The following PRKN variants were observed in gnomAD, a reference collection of about 807,000 sequenced individuals.
The protein encoded by PRKN is parkin RBR E3 ubiquitin protein ligase.
PRKN carries 56 observed loss-of-function variants against 59.5 expected under a neutral mutation model. The ratio of observed to expected loss-of-function variants is 0.94; its 90% confidence interval spans 0.76 to 1.18. PRKN has a LOEUF of 1.18. PRKN is among the 50% of genes most tolerant of loss of function. The pLI is 0.00. For synonymous variants in PRKN, 250 were observed against 222.1 expected (o/e 1.13, Z -1.12); for missense variants, 657 against 596.4 (o/e 1.10, Z -1.06).
chr6:162,548,721 A>G lies in PRKN; in HGVS notation c.8-105248T>C, dbSNP rs530055921. Among the ~76,000 whole-genome samples the G allele has an allele frequency of 7.9e-5, 12 of 152,320 alleles. No homozygotes were observed. The South Asian group carries it at 2.5e-3, about 32-fold the overall frequency. ...CTTGAGCTGCAATGAGCTCAGGTGC[A>G]AATTTCTTGATGAACGAGTCTAATA... On this transcript the variant is annotated intron_variant, in intron 1 of 11. Transcript: ENST00000366898.
At chr6:161,934,421 A>T (rs372709751) in intron 6 of PRKN, among the ~76,000 whole-genome samples, 1 of 152,168 alleles carries the variant, frequency 6.6e-6, no homozygotes, top group Non-Finnish European at 1.5e-5. Context: ...TCAACATCAA[A>T]ATTTTAGCAA....
Position 161,554,186 on chromosome 6 carries a change from T to C in PRKN, c.934-5183A>G, listed in dbSNP as rs949295158. ...AAGATGACATAATTACAATATTCCA[T>C]AATTGCTCATTTGCTTTTTCTCACA... On this transcript the variant is annotated intron_variant, in intron 8 of 11. Coordinates refer to ENST00000366898, the MANE Select transcript of PRKN (RefSeq NM_004562.3). The surrounding 1 kb of genome is among the most constrained non-coding windows in gnomAD (Gnocchi z 4.5). 3.9e-5 allele frequency among the ~76,000 whole-genome samples: 6 copies of C among 152,232 alleles called. No homozygotes were observed. The highest frequency in any genetic ancestry group is 1.4e-4 in the African/African-American group (6 of 41,460).
intron 7 of PRKN, among the ~76,000 whole-genome samples, chr6:161,771,313 G>A (rs547874481): frequency 6.9e-6 from 1 of 145,882 alleles, no homozygotes; most frequent in Admixed American, 7.2e-5. Flanking sequence ...CCGAGATCGC[G>A]CCACTGCGCT....
At chr6:162,373,352 T>C (rs1433769423) in intron 2 of PRKN, among the ~76,000 whole-genome samples, 1 of 152,166 alleles carries the variant, frequency 6.6e-6, no homozygotes, top group Non-Finnish European at 1.5e-5. Flanking sequence ...TTTGTTGAGT[T>C]AATAAACTAT....
intron 7 of PRKN, among the ~76,000 whole-genome samples, chr6:161,647,549 G>A (rs575300789): frequency 7.2e-5 from 11 of 152,084 alleles, no homozygotes; most frequent in Non-Finnish European, 1.5e-4. Flanking sequence ...GTTTAAAAGT[G>A]CAACTGGGTA....
intron 6 of PRKN, among the ~76,000 whole-genome samples, chr6:161,791,322 C>T (rs1790628561): frequency 6.6e-6 from 1 of 152,170 alleles, no homozygotes; most frequent in Non-Finnish European, 1.5e-5. Flanking sequence ...CATTCACATA[C>T]ATTAAAAAAG....
In PRKN at chr6:161,466,298, C is replaced by G. The variant is rs558217952; in HGVS notation, c.1084-79421G>C. Among the ~76,000 whole-genome samples, 1 of 152,304 alleles carries G rather than the reference C, an allele frequency of 6.6e-6. No individual in the cohort carries two copies. The highest frequency in any genetic ancestry group is 2.1e-4 in the South Asian group (1 of 4,820). On this transcript the variant is annotated intron_variant, in intron 9 of 11. Transcript: ENST00000366898. This position sits in a 1 kb window ranked among gnomAD's most constrained non-coding sequence, Gnocchi z 5.0. The stretch of plus-strand genomic sequence containing the variant: ...ATTTAGTCAATTCTGATAACATTCT[C>G]TTCCAGGAAAGTCTTATTACTTTTA...
Position 161,518,038 on chromosome 6 carries a change from G to A in PRKN, c.1083+30816C>T, listed in dbSNP as rs1778679827. 6.6e-6 allele frequency among the ~76,000 whole-genome samples: 1 copy of A among 152,218 alleles called. No homozygotes were observed. Among genetic ancestry groups the A allele is most frequent in the Non-Finnish European group, 1.5e-5 (1 of 68,042 alleles). On this transcript the variant is annotated intron_variant, in intron 9 of 11. Coordinates refer to ENST00000366898, the MANE Select transcript of PRKN (RefSeq NM_004562.3). This position sits in a 1 kb window ranked among gnomAD's most constrained non-coding sequence, Gnocchi z 5.0. ...GAGACTGGCAGAAGTTGGCTGCACA[G>A]TGGCTTCAAGCTGGAGGGAGATTTG...
At chr6:162,285,426 T>C (rs1255805323) in intron 2 of PRKN, among the ~76,000 whole-genome samples, 1 of 151,972 alleles carries the variant, frequency 6.6e-6, no homozygotes, top group Non-Finnish European at 1.5e-5. Flanking sequence ...AGGTTATTAT[T>C]GGGTGTTGTA....
intron 1 of PRKN, among the ~76,000 whole-genome samples, chr6:162,642,956 G>A (rs1778019072): frequency 6.6e-6 from 1 of 152,008 alleles, no homozygotes; most frequent in Non-Finnish European, 1.5e-5. Flanking sequence ...TATAGGATAT[G>A]GTGGATTGCG....
At chr6:161,898,173 A>G (rs922175806) in intron 6 of PRKN, among the ~76,000 whole-genome samples, 6 of 151,614 alleles carry the variant, frequency 4.0e-5, no homozygotes, top group African/African-American at 1.5e-4. Context: ...GTATTTGCCA[A>G]TTTTCCAGTT....
At chr6:161,949,013 C>G (rs954877318) in intron 6 of PRKN, among the ~76,000 whole-genome samples, 3 of 152,154 alleles carry the variant, frequency 2.0e-5, no homozygotes, top group Non-Finnish European at 4.4e-5. Context: ...GGAAGTGGAC[C>G]AGTGAGAAGT....
rs1378814693 is a variant in PRKN at position 161,874,139 on chromosome 6, G to A, written c.735-88231C>T. On this transcript the variant is annotated intron_variant, in intron 6 of 11. Coordinates refer to ENST00000366898, the MANE Select transcript of PRKN (RefSeq NM_004562.3). ...ATATAATATATAATATATATTATAT[G>A]TAAAATATAATATATATTATATATA... 1.5e-3 allele frequency among the ~76,000 whole-genome samples: 25 copies of A among 16,670 alleles called. 1 individual carries two copies. Among genetic ancestry groups the A allele is most frequent in the Non-Finnish European group, 1.4e-3 (14 of 10,328 alleles). The allele number at this position is 16,670 out of a possible 152,430, so 10.9% of individuals were successfully genotyped here.
Position 161,385,909 on chromosome 6 carries a change from A to T in PRKN, c.1167+885T>A, listed in dbSNP as rs1245065199. On this transcript the variant is annotated intron_variant, in intron 10 of 11. Transcript: ENST00000366898. This position sits in a 1 kb window ranked among gnomAD's most constrained non-coding sequence, Gnocchi z 4.9. Reference sequence around the variant, plus strand: ...GGAGCAGACGAGAAGACCCAAATTCACCAGTTCTATTTATTTAGTTATGCT... The same window carrying T: ...GGAGCAGACGAGAAGACCCAAATTCTCCAGTTCTATTTATTTAGTTATGCT... Among the ~76,000 whole-genome samples, 1 of 152,190 alleles carries T rather than the reference A, an allele frequency of 6.6e-6. No individual in the cohort carries two copies. Among genetic ancestry groups the T allele is most frequent in the Non-Finnish European group, 1.5e-5 (1 of 68,034 alleles).
chr6:161,735,056 A>G (rs1373362399), intron 7 of PRKN, among the ~76,000 whole-genome samples: 1 of 149,738 alleles, frequency 6.7e-6, no homozygotes, highest in Non-Finnish European at 1.5e-5. Context: ...CTCCAGTGTT[A>G]GTTGCTGCCT....
intron 4 of PRKN, among the ~76,000 whole-genome samples, chr6:162,122,648 T>A (rs1426606969): frequency 6.6e-6 from 1 of 152,190 alleles, no homozygotes; most frequent in Non-Finnish European, 1.5e-5. Context: ...GACTGCTGAC[T>A]GACCTAGAAA....
intron 1 of PRKN, chr6:162,568,314 G>T: frequency 3.4e-6 from 1 of 295,696 alleles, no homozygotes; most frequent in Non-Finnish European, 6.5e-6. Context: ...CCAAGAAGCA[G>T]CTTCTCTGCT....
intron 10 of PRKN, among the ~76,000 whole-genome samples, chr6:161,382,706 A>G (rs1028998425): frequency 6.6e-6 from 1 of 152,220 alleles, no homozygotes; most frequent in Non-Finnish European, 1.5e-5. Flanking sequence ...TGCTTTCCCA[A>G]ACTCCCAGCA....
chr6:162,315,670 AT>A (rs1782726475), intron 2 of PRKN, among the ~76,000 whole-genome samples: 2 of 152,140 alleles, frequency 1.3e-5, no homozygotes, highest in African/African-American at 4.8e-5. Context: ...TAGCCAACGT[AT>A]TTTGATGTTT....
Sources: gnomAD v4.1 joint callset for allele counts (sites outside exome capture counted in the v4.1 genomes callset) on GRCh38, gnomAD v4.1.1 for gene constraint, Gnocchi (gnomAD v3.1) non-coding constraint, MANE v1.5 for transcripts, NCBI Gene and HGNC (gene_info 2026-07-23, HGNC 2026-07-21) for gene names.